The following CRY1 variants were observed in gnomAD, a reference collection of about 807,000 sequenced individuals.
CRY1 encodes cryptochrome circadian regulator 1.
Under a neutral mutation model 76.0 loss-of-function variants are expected in CRY1, and 45 were observed. The observed-to-expected ratio is 0.59, with a 90% CI of 0.47 to 0.76. The LOEUF is 0.76. Ranked by LOEUF, CRY1 falls within the 30% of genes least tolerant of loss-of-function variation. The pLI is 0.00. For missense variants in CRY1, 587 were observed against 716.4 expected (o/e 0.82, Z 2.06); for synonymous variants, 248 against 244.0 (o/e 1.02, Z -0.15).
chr12:107,066,868 T>C (rs1384669853), intron 1 of CRY1, among the ~76,000 whole-genome samples: 1 of 152,060 alleles, frequency 6.6e-6, no homozygotes, highest in Non-Finnish European at 1.5e-5. Flanking sequence ...CTGGAGATCA[T>C]GGCTCACCAC....
chr12:107,003,066 T>C (rs1952330403), intron 3 of CRY1, among the ~76,000 whole-genome samples: 1 of 152,246 alleles, frequency 6.6e-6, no homozygotes, highest in African/African-American at 2.4e-5. Flanking sequence ...GCAAATTTTA[T>C]AAATTTTGAT....
intron 10 of CRY1, among the ~76,000 whole-genome samples, chr12:106,995,680 A>C (rs1952226514): frequency 6.6e-6 from 1 of 151,624 alleles, no homozygotes; most frequent in South Asian, 2.1e-4. Context: ...GTTCTGGGGT[A>C]CATGTGCAGG....
At chr12:107,006,747 G>A (rs1376099789) in intron 2 of CRY1, among the ~76,000 whole-genome samples, 2 of 147,834 alleles carry the variant, frequency 1.4e-5, no homozygotes, top group Non-Finnish European at 3.0e-5. Flanking sequence ...CACCTCCCAG[G>A]TTCAAGCGAT....
intron 2 of CRY1, among the ~76,000 whole-genome samples, chr12:107,019,743 C>T (rs1384399158): frequency 6.6e-6 from 1 of 151,882 alleles, no homozygotes; most frequent in Non-Finnish European, 1.5e-5. Flanking sequence ...GCCTGAGCAA[C>T]ATAGCAAGAC....
rs545215785 is a variant in CRY1, at chr12:107,005,023, G to A, written c.410+83C>T. The stretch of plus-strand genomic sequence containing the variant: ...ACTTATCTATGTAGTTAATACCACC[G>A]AACTATATACTTAAAAATGGTTAAG... On this transcript the variant is annotated intron_variant, in intron 3 of 12. Coordinates refer to ENST00000008527, the MANE Select transcript of CRY1 (RefSeq NM_004075.5). 70 of 1,329,344 alleles carry A rather than the reference G, an allele frequency of 5.3e-5. No individual in the cohort carries two copies. The South Asian group carries it at 7.9e-4, about 15-fold the overall frequency. 82.3% of individuals were successfully genotyped at this position (1,329,344 alleles called of 1,614,324 possible). A position where few individuals can be genotyped will look rare whatever the true frequency, so the allele number is the denominator to read the frequency against.
intron 1 of CRY1, among the ~76,000 whole-genome samples, chr12:107,084,656 T>C (rs1953373815): frequency 6.6e-6 from 1 of 152,162 alleles, no homozygotes; most frequent in African/African-American, 2.4e-5. Context: ...CCTTACACTG[T>C]ATACAAAAAT....
chr12:107,065,133 T>C (rs908465653), intron 1 of CRY1, among the ~76,000 whole-genome samples: 6 of 151,862 alleles, frequency 4.0e-5, no homozygotes, highest in Admixed American at 6.6e-5. Context: ...CCATCTCTAC[T>C]AAAAATACAA....
chr12:107,026,368 A>G (rs1029722466), intron 1 of CRY1, among the ~76,000 whole-genome samples: 1 of 150,660 alleles, frequency 6.6e-6, no homozygotes, highest in African/African-American at 2.4e-5. Flanking sequence ...AGCAGCTGGG[A>G]TTACAGGAGT....
chr12:107,087,373 A>G lies in CRY1; in HGVS notation c.158+5431T>C, dbSNP rs146592524. Among the ~76,000 whole-genome samples the G allele has an allele frequency of 3.7e-3, 565 of 152,342 alleles. 2 individuals carry two copies. Among genetic ancestry groups the G allele is most frequent in the African/African-American group, 0.012 (517 of 41,584 alleles). ...TAGACTCCAATCCATGAAAGAAGCC[A>G]TGTGGTCTGTGCCCAACCAAGCCAT... On this transcript the variant is annotated intron_variant, in intron 1 of 12. Coordinates refer to ENST00000008527, the MANE Select transcript of CRY1 (RefSeq NM_004075.5).
chr12:106,998,133 C>G, intron 7 of CRY1, 67 bp from the exon 8 acceptor site: 1 of 1,559,444 alleles, frequency 6.4e-7, no homozygotes, highest in East Asian at 2.2e-5. Context: ...TTTTCAAGGT[C>G]ACAGTAGAGC....
chr12:107,062,774 G>A lies in CRY1; in HGVS notation c.158+30030C>T, dbSNP rs568906722. On this transcript the variant is annotated intron_variant, in intron 1 of 12. Transcript: ENST00000008527. ...CCATGAATACAGGATTATCCATAAC[G>A]TCATACGATAAAAGAATATTGTCAA... Among the ~76,000 whole-genome samples the A allele has an allele frequency of 4.6e-5, 7 of 152,180 alleles. No individual in the cohort carries two copies. In the East Asian group the frequency reaches 7.7e-4, roughly 17 times the overall value.
intron 1 of CRY1, among the ~76,000 whole-genome samples, chr12:107,089,408 C>T (rs113785420): frequency 1.3e-5 from 2 of 152,170 alleles, no homozygotes; most frequent in Non-Finnish European, 2.9e-5. Flanking sequence ...ATTCATAGCT[C>T]ATTGCAGCTT....
In CRY1 at chr12:107,001,269, C is replaced by T. The variant is rs1196109339; in HGVS notation, c.684+11G>A. 4 of 1,597,054 alleles carry T rather than the reference C, an allele frequency of 2.5e-6. No individual in the cohort carries two copies. The Admixed American group carries it at 5.1e-5, about 20-fold the overall frequency. ...AATACAAGCATAGCTATATAATCTA[C>T]ATTATCATACTTTTCTTTCCAAATG... On this transcript the variant is annotated intron_variant, in intron 5 of 12. Transcript: ENST00000008527.
At chr12:107,067,769 A>G (rs1355071275) in intron 1 of CRY1, among the ~76,000 whole-genome samples, 2 of 152,180 alleles carry the variant, frequency 1.3e-5, no homozygotes, top group East Asian at 1.9e-4. Context: ...AATGAACAGG[A>G]GTCTGTGACA....
At chr12:107,079,837 CT>C (rs1254307716) in intron 1 of CRY1, among the ~76,000 whole-genome samples, 5 of 152,124 alleles carry the variant, frequency 3.3e-5, no homozygotes, top group African/African-American at 1.2e-4. Context: ...GCTTTTTGAA[CT>C]TTAACCTAAG....
chr12:107,089,488 T>C (rs761338470), intron 1 of CRY1, among the ~76,000 whole-genome samples: 39 of 152,150 alleles, frequency 2.6e-4, no homozygotes, highest in Non-Finnish European at 1.3e-4. Context: ...GCATGAGACA[T>C]TGAGCTCTGC....
At chr12:107,060,321 A>G (rs959740157) in intron 1 of CRY1, among the ~76,000 whole-genome samples, 6 of 152,166 alleles carry the variant, frequency 3.9e-5, no homozygotes, top group Non-Finnish European at 7.3e-5. Context: ...ATTATCACAG[A>G]AGTGGGTTCT....
chr12:107,028,569 T>C (rs1952641086), intron 1 of CRY1, among the ~76,000 whole-genome samples: 1 of 152,174 alleles, frequency 6.6e-6, no homozygotes, highest in Non-Finnish European at 1.5e-5. Context: ...TTTAAAGCAT[T>C]AATATCATGC....
intron 4 of CRY1, 57 bp from the exon 5 acceptor site, chr12:107,001,425 C>A: frequency 7.1e-7 from 1 of 1,404,230 alleles, no homozygotes; most frequent in Non-Finnish European, 9.9e-7. Context: ...TTATTTAACC[C>A]CAATAACTGG....
Sources: gnomAD v4.1 joint callset for allele counts (sites outside exome capture counted in the v4.1 genomes callset) on GRCh38, gnomAD v4.1.1 for gene constraint, MANE v1.5 for transcripts, NCBI Gene and HGNC (gene_info 2026-07-23, HGNC 2026-07-21) for gene names.